Variants in NXN observed in about 807,000 individuals in gnomAD.
The protein encoded by NXN is nucleoredoxin, also known as nucleoredoxin 1.
NXN carries 16 observed loss-of-function variants against 48.6 expected under a neutral mutation model. The observed-to-expected ratio is 0.33, with a 90% confidence interval of 0.22 to 0.50. NXN has a LOEUF of 0.50. NXN is among the 20% of genes least tolerant of loss of function. The probability of loss-of-function intolerance (pLI) is 0.98; values close to 1 mark genes in which losing one functional copy is unlikely to be tolerated. For missense variants in NXN, 492 were observed against 605.5 expected (o/e 0.81, Z 1.97); for synonymous variants, 281 against 269.6 (o/e 1.04, Z -0.41).
chr17:934,799 G>A (rs527572629), intron 1 of NXN, among the ~76,000 whole-genome samples: 92 of 151,904 alleles, frequency 6.1e-4, no homozygotes, highest in Middle Eastern at 3.4e-3. Context: ...GCTTGAACCC[G>A]GGAGGCGGAG....
At chr17:846,430 A>G (rs113513810) in intron 1 of NXN, among the ~76,000 whole-genome samples, 8,837 of 142,674 alleles carry the variant, frequency 0.062, 446 homozygotes, top group East Asian at 0.27. Context: ...AAAAAAAAAA[A>G]AGAAAAGAAA....
In NXN at chr17:917,273, C is replaced by G. The variant is rs999000797; in HGVS notation, c.360+62046G>C. Among the ~76,000 whole-genome samples the G allele has an allele frequency of 1.5e-4, 23 of 152,196 alleles. No homozygotes were observed. Among genetic ancestry groups the G allele is most frequent in the African/African-American group, 5.3e-4 (22 of 41,454 alleles). On this transcript the variant is annotated intron_variant, in intron 1 of 7. Coordinates refer to ENST00000336868, the MANE Select transcript of NXN (RefSeq NM_022463.5). The surrounding 1 kb of genome is among the most constrained non-coding windows in gnomAD (Gnocchi z 4.5). ...TCTCCTGCCTCAGCCTCCCGAGCAGCTGGGACTACAGGCGCCCGCCACCAT... is the reference window on the plus strand; with the variant it reads ...TCTCCTGCCTCAGCCTCCCGAGCAGGTGGGACTACAGGCGCCCGCCACCAT...
intron 1 of NXN, among the ~76,000 whole-genome samples, chr17:851,848 C>G (rs773682859): frequency 3.9e-5 from 6 of 152,248 alleles, no homozygotes; most frequent in Admixed American, 2.0e-4. Flanking sequence ...TACAAGTGAT[C>G]TGTCTCGCGT....
intron 1 of NXN, among the ~76,000 whole-genome samples, chr17:945,334 G>A (rs922788544): frequency 6.6e-6 from 1 of 151,880 alleles, no homozygotes; most frequent in African/African-American, 2.4e-5. Context: ...CACTCGCCTC[G>A]GCGTCCTAAA....
chr17:937,370 A>G (rs1324065801), intron 1 of NXN, among the ~76,000 whole-genome samples: 3 of 152,152 alleles, frequency 2.0e-5, no homozygotes, highest in Non-Finnish European at 4.4e-5. Flanking sequence ...ATCAGCTTCC[A>G]ACAGGGACCC....
chr17:809,738 C>A (rs566560201), intron 5 of NXN, among the ~76,000 whole-genome samples: 15 of 151,728 alleles, frequency 9.9e-5, no homozygotes, highest in African/African-American at 1.9e-4. Context: ...AAGACCATAG[C>A]GACACGGCAA....
intron 1 of NXN, among the ~76,000 whole-genome samples, chr17:888,554 G>C (rs907168438): frequency 4.6e-5 from 7 of 152,060 alleles, no homozygotes; most frequent in African/African-American, 1.2e-4. Context: ...GAAAACGAGG[G>C]TGCTCTTAGG....
At chr17:823,118 G>T in intron 3 of NXN, among the ~76,000 whole-genome samples, 1 of 145,564 alleles carries the variant, frequency 6.9e-6, no homozygotes, top group East Asian at 2.0e-4. Context: ...AAAAAAGGGG[G>T]CCAGGCACGA....
At chr17:948,231 C>G (rs1203581924) in intron 1 of NXN, among the ~76,000 whole-genome samples, 1 of 151,972 alleles carries the variant, frequency 6.6e-6, no homozygotes, top group Non-Finnish European at 1.5e-5. Context: ...ATTTACAGTA[C>G]ACAGGATTAC....
intron 5 of NXN, among the ~76,000 whole-genome samples, chr17:805,753 G>A (rs548327073): frequency 2.6e-5 from 4 of 152,206 alleles, no homozygotes; most frequent in South Asian, 2.1e-4. Flanking sequence ...CAGGAGAATC[G>A]CTCGAACTCG....
chr17:921,239 AG>A lies in NXN; in HGVS notation c.360+58079del, dbSNP rs548349071. On this transcript the variant is annotated intron_variant, in intron 1 of 7. Transcript: ENST00000336868. Reference sequence around the variant, plus strand: ...CAGGGTCAAGTCTTTACCACTCAAAAGGTAACTGTTTATCCCCAGGCAACCT... The same window carrying A: ...CAGGGTCAAGTCTTTACCACTCAAAAGTAACTGTTTATCCCCAGGCAACCT... Among the ~76,000 whole-genome samples the A allele has an allele frequency of 9.9e-5, 15 of 152,098 alleles. No homozygotes were observed. In the East Asian group the frequency reaches 2.3e-3, roughly 24 times the overall value.
At chr17:861,247 G>C (rs193139591) in intron 1 of NXN, among the ~76,000 whole-genome samples, 1 of 152,170 alleles carries the variant, frequency 6.6e-6, no homozygotes, top group African/African-American at 2.4e-5. Flanking sequence ...GATTTGTGTG[G>C]CTCGGCCTCC....
chr17:823,507 GAGAAGGCC>G lies in NXN; in HGVS notation c.612+117_612+124del, dbSNP rs1912929757. 3 of 1,051,686 alleles carry G rather than the reference GAGAAGGCC, an allele frequency of 2.9e-6. No individual in the cohort carries two copies. In the South Asian group the frequency reaches 4.7e-5, roughly 17 times the overall value. 65.1% of individuals were successfully genotyped at this position (1,051,686 alleles called of 1,614,324 possible). On this transcript the variant is annotated intron_variant, in intron 3 of 7. Coordinates refer to ENST00000336868, the MANE Select transcript of NXN (RefSeq NM_022463.5). Reference sequence around the variant, plus strand: ...CTATTCAACCAGGCCTCGGGCACAGGAGAAGGCCAGAAGGCCGGGAAATTCCTGCCTGG... The same window carrying G: ...CTATTCAACCAGGCCTCGGGCACAGGAGAAGGCCGGGAAATTCCTGCCTGG...
chr17:832,930 C>G (rs111759778), intron 1 of NXN, among the ~76,000 whole-genome samples: 5,992 of 152,054 alleles, frequency 0.039, 130 homozygotes, highest in African/African-American at 0.053. Context: ...TCTCGCTGTC[C>G]CCCAGGCTGG....
At chr17:903,830 A>G (rs1286937522) in intron 1 of NXN, among the ~76,000 whole-genome samples, 1 of 152,218 alleles carries the variant, frequency 6.6e-6, no homozygotes, top group Non-Finnish European at 1.5e-5. Flanking sequence ...GACCGCAGCC[A>G]AAGGGCCTGA....
chr17:916,781 C>A (rs1042147617), intron 1 of NXN, among the ~76,000 whole-genome samples: 12 of 152,188 alleles, frequency 7.9e-5, no homozygotes, highest in African/African-American at 2.9e-4. Context: ...ATCTGTAATC[C>A]CAGCCACTTC....
chr17:881,658 T>C (rs1211348877), intron 1 of NXN, among the ~76,000 whole-genome samples: 1 of 152,146 alleles, frequency 6.6e-6, no homozygotes, highest in South Asian at 2.1e-4. Context: ...TTTTTTTAAG[T>C]CCATAAAAAT....
chr17:965,378 G>C (rs1487297294), intron 1 of NXN, among the ~76,000 whole-genome samples: 1 of 152,128 alleles, frequency 6.6e-6, no homozygotes, highest in East Asian at 1.9e-4. Context: ...CACACACTTA[G>C]GAAAAGAAGG....
intron 1 of NXN, among the ~76,000 whole-genome samples, chr17:914,975 G>C (rs193258300): frequency 6.6e-6 from 1 of 151,728 alleles, no homozygotes; most frequent in Non-Finnish European, 1.5e-5. Context: ...AGTCTCGCTC[G>C]CCAGGCTGGA....
Sources: gnomAD v4.1 joint callset for allele counts (sites outside exome capture counted in the v4.1 genomes callset) on GRCh38, gnomAD v4.1.1 for gene constraint, Gnocchi (gnomAD v3.1) non-coding constraint, MANE v1.5 for transcripts, NCBI Gene and HGNC (gene_info 2026-07-23, HGNC 2026-07-21) for gene names.